Variants in TSHZ2 observed in about 807,000 individuals in gnomAD.
TSHZ2 encodes teashirt zinc finger homeobox 2, also known as teashirt homolog 2.
TSHZ2 carries 21 observed loss-of-function variants against 74.4 expected under a neutral mutation model. The ratio of observed to expected loss-of-function variants is 0.28; its 90% CI spans 0.20 to 0.41. TSHZ2 has a LOEUF of 0.41. TSHZ2 is among the 10% of genes least tolerant of loss of function. TSHZ2 has a pLI of 1.00. For missense variants in TSHZ2, 1,244 were observed against 1,293.5 expected, an observed-to-expected ratio of 0.96 and a Z score of 0.59; for synonymous variants, 540 against 515.3, an observed-to-expected ratio of 1.05 and a Z score of -0.65.
At chr20:53,470,342 TC>T in intron 2 of TSHZ2, among the ~76,000 whole-genome samples, 1 of 152,212 alleles carries the variant, frequency 6.6e-6, no homozygotes, top group Non-Finnish European at 1.5e-5. Flanking sequence ...CAGAGATTTC[TC>T]TTAGGAAAAA....
chr20:53,085,874 G>T (rs140433687), intron 1 of TSHZ2, among the ~76,000 whole-genome samples: 1 of 152,190 alleles, frequency 6.6e-6, no homozygotes, highest in African/African-American at 2.4e-5. Flanking sequence ...GCGTTCAGGC[G>T]TAAGCATTAA....
At chr20:53,213,106 A>G (rs1357634836) in intron 1 of TSHZ2, among the ~76,000 whole-genome samples, 1 of 152,226 alleles carries the variant, frequency 6.6e-6, no homozygotes, top group Non-Finnish European at 1.5e-5. Flanking sequence ...TGGAGGGTTA[A>G]GTTTCAGTTT....
intron 1 of TSHZ2, among the ~76,000 whole-genome samples, chr20:53,003,175 T>A (rs1982501543): frequency 1.3e-5 from 2 of 152,086 alleles, no homozygotes; most frequent in Non-Finnish European, 2.9e-5. Context: ...GGTACTGTCC[T>A]TCATTGTGGG....
At chr20:53,007,443 A>G (rs1982683683) in intron 1 of TSHZ2, among the ~76,000 whole-genome samples, 1 of 152,256 alleles carries the variant, frequency 6.6e-6, no homozygotes, top group Non-Finnish European at 1.5e-5. Flanking sequence ...GGAGTATGGC[A>G]TGAGTATAGG....
chr20:53,280,201 A>C (rs1469814069), intron 2 of TSHZ2, among the ~76,000 whole-genome samples: 2 of 152,122 alleles, frequency 1.3e-5, no homozygotes, highest in African/African-American at 4.8e-5. Context: ...CTCCTTGAAG[A>C]CCTCAGGCAT....
At chr20:53,469,883 AAG>A (rs770397749) in intron 2 of TSHZ2, among the ~76,000 whole-genome samples, 1 of 129,436 alleles carries the variant, frequency 7.7e-6, no homozygotes, top group African/African-American at 2.9e-5. Context: ...AAAGAAAAAA[AAG>A]AGAGAGAGGA....
chr20:53,127,105 T>G (rs1193955880), intron 1 of TSHZ2, among the ~76,000 whole-genome samples: 3 of 152,220 alleles, frequency 2.0e-5, no homozygotes, highest in Non-Finnish European at 4.4e-5. Context: ...AACCAAACTA[T>G]TGGTGGTATA....
intron 1 of TSHZ2, among the ~76,000 whole-genome samples, chr20:53,008,203 G>A (rs1982716214): frequency 6.6e-6 from 1 of 152,138 alleles, no homozygotes; most frequent in Admixed American, 6.6e-5. Context: ...AAAAAATAAA[G>A]GGAAGAAACA....
At chr20:53,372,062 G>A (rs944219516) in intron 2 of TSHZ2, among the ~76,000 whole-genome samples, 6 of 151,970 alleles carry the variant, frequency 3.9e-5, no homozygotes, top group African/African-American at 1.5e-4. Flanking sequence ...CATTGAATTA[G>A]GGCCCACCCT....
intron 1 of TSHZ2, among the ~76,000 whole-genome samples, chr20:53,161,130 C>CAAAAAAAAAAAA (rs368626161): frequency 0.014 from 963 of 67,906 alleles, 166 homozygotes; most frequent in East Asian, 0.049. Context: ...TTATTTTCAG[C>CAAAAAAAAAAAA]AAAAAAAAAA....
At position 52,973,025 on chromosome 20, in the gene TSHZ2, A is replaced by AAAAT. The variant is rs1981183025; in HGVS notation, c.-265_-262dup. Reference sequence around the variant, plus strand: ...AAAAAAGAGAGAGGAAAAAAAATTCAAAATAAACAAACAAACAAACAAGGC... The same window carrying AAAAT: ...AAAAAAGAGAGAGGAAAAAAAATTCAAAATAAATAAACAAACAAACAAACAAGGC... On this transcript the variant is annotated 5_prime_UTR_variant, in exon 1 of 3. It introduces an in-frame stop codon into an upstream open reading frame of the 5' UTR. Coordinates refer to ENST00000371497, the MANE Select transcript of TSHZ2 (RefSeq NM_173485.6). 2 of 405,670 alleles carry AAAAT rather than the reference A, an allele frequency of 4.9e-6. No homozygotes were observed. The highest frequency in any genetic ancestry group is 4.1e-5 in the African/African-American group (2 of 48,370). 25.1% of individuals were successfully genotyped at this position (405,670 alleles called of 1,614,324 possible). A position where few individuals can be genotyped will look rare whatever the true frequency, so the allele number is the denominator to read the frequency against.
chr20:53,101,734 A>G (rs1986224261), intron 1 of TSHZ2, among the ~76,000 whole-genome samples: 1 of 152,178 alleles, frequency 6.6e-6, no homozygotes, highest in South Asian at 2.1e-4. Flanking sequence ...ATTGAGCTGA[A>G]AAGTTCATCA....
chr20:53,370,436 C>A (rs1302121857), intron 2 of TSHZ2, among the ~76,000 whole-genome samples: 1 of 152,104 alleles, frequency 6.6e-6, no homozygotes, highest in Non-Finnish European at 1.5e-5. Flanking sequence ...TAAATCTCTC[C>A]GTTCATAAAT....
At chr20:53,142,834 A>G (rs995741559) in intron 1 of TSHZ2, among the ~76,000 whole-genome samples, 3 of 152,124 alleles carry the variant, frequency 2.0e-5, no homozygotes, top group Non-Finnish European at 4.4e-5. Flanking sequence ...AAAAAAAAAA[A>G]AAATGCTCTG....
chr20:53,046,886 C>T (rs1307229545), intron 1 of TSHZ2, among the ~76,000 whole-genome samples: 1 of 152,168 alleles, frequency 6.6e-6, no homozygotes, highest in Non-Finnish European at 1.5e-5. Context: ...CTCATGAGCC[C>T]TTAATGCATG....
intron 1 of TSHZ2, among the ~76,000 whole-genome samples, chr20:52,990,756 G>A (rs1444590605): frequency 6.6e-6 from 1 of 152,182 alleles, no homozygotes; most frequent in African/African-American, 2.4e-5. Flanking sequence ...AAGCTCACTG[G>A]TAGGTCCAGG....
At chr20:53,469,734 AAGGAAGGAAGGACCCAAGAAAGATAGAG>A (rs1985722216) in intron 2 of TSHZ2, among the ~76,000 whole-genome samples, 1 of 133,692 alleles carries the variant, frequency 7.5e-6, no homozygotes, top group African/African-American at 2.8e-5. Flanking sequence ...GGGAGGGAGG[AAGGAAGGAAGGACCCAAGAAAGATAGAG>A]AGGGAGGAAG....
chr20:53,241,643 T>C (rs1990073669), intron 1 of TSHZ2, among the ~76,000 whole-genome samples: 1 of 152,056 alleles, frequency 6.6e-6, no homozygotes, highest in Non-Finnish European at 1.5e-5. Context: ...CATGACTAGG[T>C]TTTTGTTCTT....
At chr20:53,443,882 C>T (rs374935753) in intron 2 of TSHZ2, among the ~76,000 whole-genome samples, 112 of 152,242 alleles carry the variant, frequency 7.4e-4, no homozygotes, top group African/African-American at 2.3e-3. Flanking sequence ...GTGGCTACTG[C>T]CTGTTGAAAC....
Sources: allele counts gnomAD v4.1 joint callset (sites outside exome capture counted in the v4.1 genomes callset), GRCh38; gene constraint gnomAD v4.1.1; transcripts MANE v1.5; gene names NCBI Gene and HGNC (gene_info 2026-07-23, HGNC 2026-07-21).